RABGAP1L: variants seen among roughly 807,000 people sequenced by gnomAD.
RABGAP1L encodes rab GTPase-activating protein 1-like.
A neutral mutation model predicts 137.7 loss-of-function variants in RABGAP1L; 63 were observed. The ratio of observed to expected loss-of-function variants is 0.46; its 90% CI spans 0.37 to 0.56. The LOEUF (loss-of-function observed/expected upper bound fraction) is 0.56, where lower values mean the gene tolerates loss of function less well. RABGAP1L is among the 20% of genes least tolerant of loss of function. The pLI, the probability that RABGAP1L is intolerant of heterozygous loss-of-function variation, is 0.00. For synonymous variants in RABGAP1L, 431 were observed against 433.7 expected (o/e 0.99, Z 0.08); for missense variants, 1,095 against 1,244.0 (o/e 0.88, Z 1.80).
intron 13 of RABGAP1L, among the ~76,000 whole-genome samples, chr1:174,478,333 C>G (rs1054186326): frequency 2.0e-5 from 3 of 151,708 alleles, no homozygotes; most frequent in Non-Finnish European, 2.9e-5. Flanking sequence ...TGCAGTAGTG[C>G]AGTCATAGCT....
At chr1:174,982,139 AC>A (rs1354885662) in intron 23 of RABGAP1L, among the ~76,000 whole-genome samples, 5 of 151,858 alleles carry the variant, frequency 3.3e-5, no homozygotes, top group African/African-American at 9.7e-5. Flanking sequence ...CCACTCTGCC[AC>A]CTTTTTTTAA....
At chr1:174,461,116 A>G (rs1656638499) in intron 13 of RABGAP1L, among the ~76,000 whole-genome samples, 1 of 152,146 alleles carries the variant, frequency 6.6e-6, no homozygotes, top group Admixed American at 6.5e-5. Flanking sequence ...TGTGCCACAC[A>G]GCCACCTAGA....
At chr1:174,918,885 A>G (rs1400516656) in intron 19 of RABGAP1L, among the ~76,000 whole-genome samples, 2 of 152,264 alleles carry the variant, frequency 1.3e-5, no homozygotes, top group East Asian at 3.9e-4. Flanking sequence ...GTACAGTGGC[A>G]TGTGCTTGTA....
chr1:174,952,556 C>T (rs764525403), intron 19 of RABGAP1L, among the ~76,000 whole-genome samples: 1 of 151,670 alleles, frequency 6.6e-6, no homozygotes, highest in Non-Finnish European at 1.5e-5. Context: ...GGAAACTTAA[C>T]CAAATCTTAT....
intron 13 of RABGAP1L, among the ~76,000 whole-genome samples, chr1:174,414,864 A>G (rs939308823): frequency 6.6e-6 from 1 of 152,012 alleles, no homozygotes; most frequent in African/African-American, 2.4e-5. Context: ...TCATACATCT[A>G]TTGAAAACTA....
chr1:174,468,899 A>G (rs1383027955), intron 13 of RABGAP1L, among the ~76,000 whole-genome samples: 1 of 152,204 alleles, frequency 6.6e-6, no homozygotes, highest in East Asian at 1.9e-4. Flanking sequence ...TAAGTGTTAT[A>G]CTAAAAATGA....
rs1275423217 is a variant in RABGAP1L, at chr1:174,833,447, G to GATATATATATATATATATATATAT, written c.2340+21488_2340+21489insTATATATATATATATATATATATA. Among the ~76,000 whole-genome samples the GATATATATATATATATATATATAT allele has an allele frequency of 1.7e-3, 29 of 16,968 alleles. 1 individual carries two copies. The highest frequency in any genetic ancestry group is 4.7e-3 in the Non-Finnish European group (9 of 1,916). The allele number at this position is 16,968 out of a possible 152,430, so 11.1% of individuals were successfully genotyped here. A position where few individuals can be genotyped will look rare whatever the true frequency, so the allele number is the denominator to read the frequency against. On this transcript the variant is annotated intron_variant, in intron 19 of 25. Transcript: ENST00000681986. ...GTATATATATATGTGTGTGTGTGTA[G>GATATATATATATATATATATATAT]AGATATATATATATATATATAGTAG...
chr1:174,463,287 A>G (rs1186753161), intron 13 of RABGAP1L, among the ~76,000 whole-genome samples: 1 of 152,110 alleles, frequency 6.6e-6, no homozygotes, highest in African/African-American at 2.4e-5. Context: ...GATAGACTGG[A>G]TTAAGAAAAT....
chr1:174,463,521 G>A (rs1170453293), intron 13 of RABGAP1L, among the ~76,000 whole-genome samples: 3 of 151,760 alleles, frequency 2.0e-5, no homozygotes, highest in Admixed American at 6.6e-5. Flanking sequence ...GTGGGGTGGG[G>A]GAGGGGGAAG....
At chr1:174,903,727 G>A (rs1658524217) in intron 19 of RABGAP1L, among the ~76,000 whole-genome samples, 1 of 152,098 alleles carries the variant, frequency 6.6e-6, no homozygotes, top group Non-Finnish European at 1.5e-5. Context: ...GAGGCGGGTG[G>A]ATCACCTGAG....
chr1:174,162,940 T>G (rs1468358809), intron 1 of RABGAP1L, among the ~76,000 whole-genome samples: 3 of 83,426 alleles, frequency 3.6e-5, no homozygotes, highest in East Asian at 4.2e-4. Flanking sequence ...GGGACTGTGG[T>G]GGGGAGGGGG....
intron 1 of RABGAP1L, among the ~76,000 whole-genome samples, chr1:174,187,153 C>G (rs1282692083): frequency 6.6e-6 from 1 of 152,094 alleles, no homozygotes; most frequent in African/African-American, 2.4e-5. Context: ...CTCAAATGTT[C>G]TGTCCTCAGA....
intron 13 of RABGAP1L, among the ~76,000 whole-genome samples, chr1:174,590,254 T>C (rs1669485160): frequency 6.7e-6 from 1 of 150,322 alleles, no homozygotes; most frequent in African/African-American, 2.4e-5. Flanking sequence ...CTCTAACAAC[T>C]TTTGGTTAAA....
chr1:174,890,729 G>T (rs774982467), intron 19 of RABGAP1L, among the ~76,000 whole-genome samples: 2 of 151,808 alleles, frequency 1.3e-5, no homozygotes, highest in Non-Finnish European at 2.9e-5. Flanking sequence ...CAGAGCTCTT[G>T]GTGGCCCTTT....
At chr1:174,162,777 G>GTTTTTTTTTTTTTTTTTTTTTTTT (rs67811794) in intron 1 of RABGAP1L, among the ~76,000 whole-genome samples, 1 of 51,556 alleles carries the variant, frequency 1.9e-5, no homozygotes, top group African/African-American at 8.1e-5. Flanking sequence ...TTCTCTTTCT[G>GTTTTTTTTTTTTTTTTTTTTTTTT]TTTTTTTTTT....
At chr1:174,168,477 T>C (rs1054151363) in intron 1 of RABGAP1L, among the ~76,000 whole-genome samples, 43 of 152,088 alleles carry the variant, frequency 2.8e-4, no homozygotes, top group African/African-American at 8.2e-4. Context: ...TTTTTTTAAA[T>C]CTCATGAACT....
At chr1:174,525,701 A>G (rs550243676) in intron 13 of RABGAP1L, among the ~76,000 whole-genome samples, 2 of 152,116 alleles carry the variant, frequency 1.3e-5, no homozygotes, top group Admixed American at 1.3e-4. Context: ...GAAAGTGGGC[A>G]TTCTTGTTTC....
intron 19 of RABGAP1L, among the ~76,000 whole-genome samples, chr1:174,867,919 A>G (rs1018002417): frequency 3.3e-5 from 5 of 152,022 alleles, no homozygotes; most frequent in Non-Finnish European, 7.4e-5. Context: ...TGCTGGGATT[A>G]CAGGCATGAG....
chr1:174,615,046 G>C (rs1157847412), intron 13 of RABGAP1L, among the ~76,000 whole-genome samples: 1 of 152,220 alleles, frequency 6.6e-6, no homozygotes, highest in Admixed American at 6.5e-5. Context: ...GCTCGGAGTA[G>C]TTTGATCGTC....
Sources: gnomAD v4.1 joint callset for allele counts (sites outside exome capture counted in the v4.1 genomes callset) on GRCh38, gnomAD v4.1.1 for gene constraint, MANE v1.5 for transcripts, NCBI Gene and HGNC (gene_info 2026-07-23, HGNC 2026-07-21) for gene names.